Variants in CDH12 observed in about 807,000 individuals in gnomAD.
CDH12 encodes the protein cadherin 12.
CDH12 carries 41 observed loss-of-function variants against 74.1 expected under a neutral mutation model. The observed-to-expected ratio is 0.55, with a 90% confidence interval of 0.43 to 0.72. The LOEUF is 0.72. Among genes scored for constraint, CDH12 ranks in the 30% least tolerant of loss-of-function variants. The pLI is 0.00. For missense variants in CDH12, 945 were observed against 977.2 expected (o/e 0.97, Z 0.44); for synonymous variants, 399 against 355.0 (o/e 1.12, Z -1.39).
At chr5:22,500,957 A>G (rs1747307139) in intron 2 of CDH12, among the ~76,000 whole-genome samples, 2 of 152,032 alleles carry the variant, frequency 1.3e-5, no homozygotes, top group Non-Finnish European at 1.5e-5. Context: ...ACATGTATGT[A>G]TTTCCTTGCT....
chr5:22,280,760 C>T (rs1303233150), intron 3 of CDH12, among the ~76,000 whole-genome samples: 3 of 152,090 alleles, frequency 2.0e-5, no homozygotes, highest in East Asian at 1.9e-4. Flanking sequence ...AAGTCCAGGA[C>T]CAGATGGATT....
At chr5:22,072,804 CTTTAG>C (rs1742046809) in intron 5 of CDH12, among the ~76,000 whole-genome samples, 1 of 151,614 alleles carries the variant, frequency 6.6e-6, no homozygotes, top group African/African-American at 2.4e-5. Context: ...TATTATAACA[CTTTAG>C]TTTAATAGAG....
chr5:22,655,606 A>G (rs961045649), intron 1 of CDH12, among the ~76,000 whole-genome samples: 1 of 152,192 alleles, frequency 6.6e-6, no homozygotes, highest in African/African-American at 2.4e-5. Context: ...TTAGAACATA[A>G]CATTATTTTA....
intron 9 of CDH12, among the ~76,000 whole-genome samples, chr5:21,808,622 T>A (rs151156962): frequency 0.012 from 1,797 of 152,148 alleles, 41 homozygotes; most frequent in African/African-American, 0.041. Flanking sequence ...CAAGCTCTTA[T>A]AAATAGGTTT....
chr5:22,595,365 G>A (rs1736554200), intron 1 of CDH12, among the ~76,000 whole-genome samples: 1 of 152,142 alleles, frequency 6.6e-6, no homozygotes, highest in Non-Finnish European at 1.5e-5. Context: ...TTTGGCATAT[G>A]ATTTCAAGGA....
intron 1 of CDH12, among the ~76,000 whole-genome samples, chr5:22,640,109 G>A (rs529372549): frequency 1.3e-5 from 2 of 152,152 alleles, no homozygotes; most frequent in Non-Finnish European, 2.9e-5. Context: ...GCAGCCAACA[G>A]TCATGCAGTG....
At chr5:21,955,147 A>G (rs1756038051) in intron 6 of CDH12, among the ~76,000 whole-genome samples, 1 of 151,952 alleles carries the variant, frequency 6.6e-6, no homozygotes, top group South Asian at 2.1e-4. Flanking sequence ...ATCCACATTA[A>G]GCTCAGTTAT....
chr5:21,773,200 A>G (rs1044700909), intron 11 of CDH12, among the ~76,000 whole-genome samples: 2 of 152,128 alleles, frequency 1.3e-5, no homozygotes, highest in Admixed American at 6.6e-5. Flanking sequence ...TCGAAGTACT[A>G]CTCTTCAAAG....
At chr5:21,828,477 C>T (rs1458796188) in intron 8 of CDH12, among the ~76,000 whole-genome samples, 1 of 152,130 alleles carries the variant, frequency 6.6e-6, no homozygotes, top group Non-Finnish European at 1.5e-5. Flanking sequence ...ACAAGTTTGA[C>T]TTCTCACTGG....
intron 1 of CDH12, among the ~76,000 whole-genome samples, chr5:22,529,188 T>TAGAGAGAG (rs374921601): frequency 7.1e-5 from 6 of 84,528 alleles, no homozygotes; most frequent in Non-Finnish European, 1.4e-4. Flanking sequence ...TATATATATA[T>TAGAGAGAG]AGAGAGAGAG....
At chr5:22,796,310 C>G (rs1367533563) in intron 1 of CDH12, among the ~76,000 whole-genome samples, 1 of 152,108 alleles carries the variant, frequency 6.6e-6, no homozygotes, top group African/African-American at 2.4e-5. Context: ...TTCCCACCAA[C>G]AGTGCATGAA....
intron 1 of CDH12, among the ~76,000 whole-genome samples, chr5:22,749,170 A>G (rs1043242259): frequency 6.6e-6 from 1 of 152,238 alleles, no homozygotes; most frequent in Non-Finnish European, 1.5e-5. Flanking sequence ...ACGTGCAAGC[A>G]GAAGTTGAAA....
intron 5 of CDH12, among the ~76,000 whole-genome samples, chr5:22,028,468 C>T (rs570593953): frequency 1.5e-4 from 23 of 152,092 alleles, no homozygotes; most frequent in Non-Finnish European, 2.1e-4. Context: ...ACACCAATAA[C>T]GGACAAACAG....
chr5:22,388,271 A>T (rs1232182199), intron 3 of CDH12, among the ~76,000 whole-genome samples: 1 of 152,060 alleles, frequency 6.6e-6, no homozygotes, highest in East Asian at 1.9e-4. Flanking sequence ...ACACAATAGA[A>T]AAGTCCCCTT....
chr5:22,454,782 T>G (rs1427871529), intron 2 of CDH12, among the ~76,000 whole-genome samples: 1 of 152,162 alleles, frequency 6.6e-6, no homozygotes, highest in African/African-American at 2.4e-5. Flanking sequence ...GCCTCTCTTC[T>G]TTTCCTATTA....
At chr5:21,768,534 A>T (rs1315486220) in intron 11 of CDH12, among the ~76,000 whole-genome samples, 2 of 151,964 alleles carry the variant, frequency 1.3e-5, no homozygotes, top group African/African-American at 2.4e-5. Context: ...TTATGCAAGA[A>T]CATAGTTAAC....
In CDH12 at chr5:22,736,081, C is replaced by T. The variant is rs576587685; in HGVS notation, c.-523+116977G>A. 3.5e-4 allele frequency among the ~76,000 whole-genome samples: 53 copies of T among 151,944 alleles called. 1 individual carries two copies. The highest frequency in any genetic ancestry group is 1.3e-3 in the African/African-American group (52 of 41,528). ...CTAAAGTATTTAAACATTTTGAGCTCAGACTCCTTACCTAAAAACTAGAAT... is the reference window on the plus strand; with the variant it reads ...CTAAAGTATTTAAACATTTTGAGCTTAGACTCCTTACCTAAAAACTAGAAT... On this transcript the variant is annotated intron_variant, in intron 1 of 14. Coordinates refer to ENST00000382254, the MANE Select transcript of CDH12 (RefSeq NM_004061.5).
At chr5:21,914,477 T>C (rs1421118025) in intron 6 of CDH12, among the ~76,000 whole-genome samples, 1 of 152,064 alleles carries the variant, frequency 6.6e-6, no homozygotes, top group African/African-American at 2.4e-5. Context: ...TATACACACA[T>C]ACATACAGTG....
intron 1 of CDH12, among the ~76,000 whole-genome samples, chr5:22,765,052 G>T (rs1485253269): frequency 6.6e-6 from 1 of 151,802 alleles, no homozygotes; most frequent in Non-Finnish European, 1.5e-5. Flanking sequence ...AAATACATTA[G>T]AATATCCATG....
Sources: gnomAD v4.1 joint callset for allele counts (sites outside exome capture counted in the v4.1 genomes callset) on GRCh38, gnomAD v4.1.1 for gene constraint, MANE v1.5 for transcripts, NCBI Gene and HGNC (gene_info 2026-07-23, HGNC 2026-07-21) for gene names.